The following CDH13 variants were observed in gnomAD, a reference collection of about 807,000 sequenced individuals.
CDH13 encodes cadherin-13.
Under a neutral mutation model 63.8 loss-of-function variants are expected in CDH13, and 24 were observed. The ratio of observed to expected loss-of-function variants is 0.38; its 90% CI spans 0.27 to 0.53. The LOEUF is 0.53. CDH13 is among the 20% of genes least tolerant of loss of function. The probability of loss-of-function intolerance (pLI) is 0.85; values close to 1 mark genes in which losing one functional copy is unlikely to be tolerated. For synonymous variants in CDH13, 503 were observed against 355.3 expected, an observed-to-expected ratio of 1.42 and a Z score of -4.67; for missense variants, 1,049 against 903.1, an observed-to-expected ratio of 1.16 and a Z score of -2.07.
chr16:82,645,780 C>G lies in CDH13; in HGVS notation c.45+18643C>G, dbSNP rs572588057. On this transcript the variant is annotated intron_variant, in intron 1 of 13. Coordinates refer to ENST00000567109, the MANE Select transcript of CDH13 (RefSeq NM_001257.5). ...TTTTTCAAAAGGTAAAACCAAGACT[C>G]TTGGGTAAATACGCACTTCAACTCA... 7.9e-5 allele frequency among the ~76,000 whole-genome samples: 12 copies of G among 152,294 alleles called. 1 individual carries two copies. Among genetic ancestry groups the G allele is most frequent in the Middle Eastern group, 6.8e-3 (2 of 294 alleles).
intron 7 of CDH13, among the ~76,000 whole-genome samples, chr16:83,506,739 A>G (rs1258555342): frequency 6.6e-6 from 1 of 152,246 alleles, no homozygotes; most frequent in Non-Finnish European, 1.5e-5. Flanking sequence ...TTCTTGCTAC[A>G]GGCAAAGCCA....
At chr16:82,818,265 T>A (rs1290471933) in intron 1 of CDH13, among the ~76,000 whole-genome samples, 1 of 152,108 alleles carries the variant, frequency 6.6e-6, no homozygotes, top group African/African-American at 2.4e-5. Flanking sequence ...TCTCTAAAAC[T>A]TGAAGTTGCC....
At chr16:82,797,159 T>C (rs913548819) in intron 1 of CDH13, among the ~76,000 whole-genome samples, 2 of 152,210 alleles carry the variant, frequency 1.3e-5, no homozygotes, top group Non-Finnish European at 2.9e-5. Context: ...TAGTTTTTCC[T>C]ATACGTCACT....
intron 1 of CDH13, among the ~76,000 whole-genome samples, chr16:82,855,054 C>T (rs945536110): frequency 6.6e-6 from 1 of 152,154 alleles, no homozygotes; most frequent in East Asian, 1.9e-4. Context: ...GTACTGTGTA[C>T]CTTTATGTTA....
chr16:83,553,357 T>A (rs1416291207), intron 7 of CDH13, among the ~76,000 whole-genome samples: 1 of 152,204 alleles, frequency 6.6e-6, no homozygotes, highest in African/African-American at 2.4e-5. Flanking sequence ...GTTATAAAAT[T>A]CACATCTGTA....
intron 2 of CDH13, among the ~76,000 whole-genome samples, chr16:82,957,655 G>A (rs535714113): frequency 6.6e-6 from 1 of 152,270 alleles, no homozygotes; most frequent in South Asian, 2.1e-4. Flanking sequence ...ACTCAGAAAG[G>A]TCTGGATGCA....
At chr16:83,302,412 C>G (rs941899509) in intron 5 of CDH13, among the ~76,000 whole-genome samples, 1 of 152,152 alleles carries the variant, frequency 6.6e-6, no homozygotes, top group Non-Finnish European at 1.5e-5. Flanking sequence ...AAATATTAGT[C>G]GAATCTGACT....
chr16:82,734,982 C>T (rs2033598063), intron 1 of CDH13, among the ~76,000 whole-genome samples: 1 of 152,126 alleles, frequency 6.6e-6, no homozygotes, highest in African/African-American at 2.4e-5. Flanking sequence ...ACAGCTAAAG[C>T]AAGACTAATT....
intron 4 of CDH13, among the ~76,000 whole-genome samples, chr16:83,178,384 C>T (rs980214852): frequency 5.3e-5 from 8 of 152,244 alleles, no homozygotes; most frequent in African/African-American, 1.9e-4. Flanking sequence ...TGATTTAGAT[C>T]CTGTCTGAAG....
chr16:83,345,133 T>C (rs1480128364), intron 6 of CDH13, 127 bp downstream of exon 6: 15 of 1,023,836 alleles, frequency 1.5e-5, no homozygotes, highest in Non-Finnish European at 1.8e-5. Context: ...GACTTAATAC[T>C]TCCCTGCGTA....
At chr16:83,486,426 G>A (rs936301237) in intron 6 of CDH13, 51 bp from the exon 7 acceptor site, 68 of 1,542,384 alleles carry the variant, frequency 4.4e-5, no homozygotes, top group African/African-American at 1.4e-4. Flanking sequence ...GGCTCTGGCC[G>A]TTGTTGACCC....
In CDH13 at chr16:83,055,929, G is replaced by GA. The variant is rs539350338; in HGVS notation, c.366+23719dup. On this transcript the variant is annotated intron_variant, in intron 3 of 13. Coordinates refer to ENST00000567109, the MANE Select transcript of CDH13 (RefSeq NM_001257.5). ...AAGTGAAAAGGCAGGCTATACAGTG[G>GA]AAAAAAAATCTTTGTAATATATGGG... is the stretch of plus-strand genomic sequence containing the variant. Among the ~76,000 whole-genome samples the GA allele has an allele frequency of 1.0e-3, 159 of 151,942 alleles. 1 individual carries two copies. Among genetic ancestry groups the GA allele is most frequent in the Middle Eastern group, 3.4e-3 (1 of 294 alleles).
At chr16:83,394,814 G>T (rs1418699962) in intron 6 of CDH13, among the ~76,000 whole-genome samples, 3 of 152,128 alleles carry the variant, frequency 2.0e-5, no homozygotes, top group Non-Finnish European at 4.4e-5. Flanking sequence ...AGGGCTGACT[G>T]ATTTGCTGAT....
At chr16:82,752,043 T>C (rs751887284) in intron 1 of CDH13, among the ~76,000 whole-genome samples, 2 of 152,190 alleles carry the variant, frequency 1.3e-5, no homozygotes, top group South Asian at 2.1e-4. Flanking sequence ...ACTGACAAAT[T>C]TGGGGGAAAC....
chr16:83,405,677 G>A (rs549724430), intron 6 of CDH13, among the ~76,000 whole-genome samples: 3 of 152,172 alleles, frequency 2.0e-5, no homozygotes, highest in Admixed American at 6.5e-5. Context: ...ATATTTTAGC[G>A]AATATTTTTA....
At chr16:82,770,883 A>G (rs759306406) in intron 1 of CDH13, among the ~76,000 whole-genome samples, 9 of 152,082 alleles carry the variant, frequency 5.9e-5, no homozygotes, top group Non-Finnish European at 1.2e-4. Context: ...AATGTTTTGT[A>G]TTTTAGTAGA....
At chr16:82,701,667 C>A (rs957759948) in intron 1 of CDH13, among the ~76,000 whole-genome samples, 3 of 152,078 alleles carry the variant, frequency 2.0e-5, no homozygotes, top group African/African-American at 7.2e-5. Context: ...ACGTGGCTTC[C>A]AGCAGCAATC....
rs538940723 is a variant in CDH13 at position 83,645,216 on chromosome 16, TA to T, written c.1102-25568del. Among the ~76,000 whole-genome samples, 566 of 152,314 alleles carry T rather than the reference TA, an allele frequency of 3.7e-3. 9 individuals are homozygous for T. The highest frequency in any genetic ancestry group is 0.013 in the African/African-American group (539 of 41,572). ...ACACAGGTGAAATACTATGCAGCCA[TA>T]AAAAAGAATGAAATCCTGTCCTTTG... On this transcript the variant is annotated intron_variant, in intron 8 of 13. Coordinates refer to ENST00000567109, the MANE Select transcript of CDH13 (RefSeq NM_001257.5).
chr16:83,042,185 A>G (rs1280646961), intron 3 of CDH13, among the ~76,000 whole-genome samples: 2 of 152,220 alleles, frequency 1.3e-5, no homozygotes, highest in Non-Finnish European at 2.9e-5. Context: ...CTGTCTGAGT[A>G]CCAGTCCGTG....
Sources: allele counts gnomAD v4.1 joint callset (sites outside exome capture counted in the v4.1 genomes callset), GRCh38; gene constraint gnomAD v4.1.1; transcripts MANE v1.5; gene names NCBI Gene and HGNC (gene_info 2026-07-23, HGNC 2026-07-21).